Variants in RIT2 observed in about 807,000 individuals in gnomAD.
The protein encoded by RIT2 is Ras like without CAAX 2.
A neutral mutation model predicts 23.7 loss-of-function variants in RIT2; 24 were observed. That is an observed-to-expected ratio of 1.01 (90% CI 0.73 to 1.43). The LOEUF is 1.43. Ranked by LOEUF, RIT2 falls within the 40% of genes most tolerant of loss-of-function variation. RIT2 has a pLI of 0.00. For missense variants in RIT2, 236 were observed against 266.9 expected, an observed-to-expected ratio of 0.88 and a Z score of 0.81; for synonymous variants, 107 against 91.1, an observed-to-expected ratio of 1.17 and a Z score of -0.99.
chr18:43,020,820 T>C (rs528096577), intron 2 of RIT2, among the ~76,000 whole-genome samples: 2 of 152,216 alleles, frequency 1.3e-5, no homozygotes, highest in South Asian at 4.1e-4. Flanking sequence ...TGCAAAAGAA[T>C]GTAATGAGAC....
At chr18:42,861,539 C>T (rs1243969901) in intron 4 of RIT2, among the ~76,000 whole-genome samples, 1 of 152,204 alleles carries the variant, frequency 6.6e-6, no homozygotes, top group African/African-American at 2.4e-5. Flanking sequence ...CCACTCTATG[C>T]CCCATGGGAG....
chr18:42,840,857 G>A (rs570573589), intron 4 of RIT2, among the ~76,000 whole-genome samples: 6 of 152,274 alleles, frequency 3.9e-5, no homozygotes, highest in South Asian at 2.1e-4. Context: ...GGTATCTATG[G>A]CTTAAAGACA....
chr18:42,783,601 G>A (rs1369290544), intron 4 of RIT2, among the ~76,000 whole-genome samples: 2 of 151,904 alleles, frequency 1.3e-5, no homozygotes, highest in East Asian at 3.9e-4. Context: ...GACACAAGGG[G>A]GCACACAGCC....
At chr18:42,798,332 A>T (rs138974656) in intron 4 of RIT2, among the ~76,000 whole-genome samples, 8 of 152,348 alleles carry the variant, frequency 5.3e-5, no homozygotes, top group African/African-American at 1.9e-4. Context: ...ACCTAATATT[A>T]GGGGAAATGG....
At chr18:43,076,790 G>C (rs757497297) in intron 1 of RIT2, among the ~76,000 whole-genome samples, 2 of 152,184 alleles carry the variant, frequency 1.3e-5, no homozygotes, top group Admixed American at 1.3e-4. Flanking sequence ...ATGGCAAAGA[G>C]TGTGTTGTTT....
intron 4 of RIT2, among the ~76,000 whole-genome samples, chr18:42,910,728 T>A (rs1008262061): frequency 2.0e-5 from 3 of 152,076 alleles, no homozygotes; most frequent in Non-Finnish European, 4.4e-5. Flanking sequence ...ATCTTCCCAC[T>A]CCATCCCCTT....
chr18:43,036,773 G>C lies in RIT2; in HGVS notation c.104-2906C>G, dbSNP rs148424436. ...AAGATAATTTTAGAAAGATTGATTT[G>C]TATAAGTTTCTTTTGTGTTTTACAA... On this transcript the variant is annotated intron_variant, in intron 1 of 4. Transcript: ENST00000326695. Among the ~76,000 whole-genome samples the C allele has an allele frequency of 2.3e-4, 35 of 152,254 alleles. No individual in the cohort carries two copies. The East Asian group carries it at 6.8e-3, about 29-fold the overall frequency.
At chr18:43,044,150 T>G (rs79535799) in intron 1 of RIT2, among the ~76,000 whole-genome samples, 1 of 152,034 alleles carries the variant, frequency 6.6e-6, no homozygotes, top group Non-Finnish European at 1.5e-5. Context: ...TAAAATAGGG[T>G]CCTTGTGGAG....
intron 4 of RIT2, among the ~76,000 whole-genome samples, chr18:42,852,026 G>A (rs1246575460): frequency 6.6e-6 from 1 of 152,022 alleles, no homozygotes; most frequent in East Asian, 1.9e-4. Context: ...CCAGGGTAGT[G>A]AGTCTGATCT....
At chr18:42,745,345 A>C (rs140267374) in intron 4 of RIT2, among the ~76,000 whole-genome samples, 2 of 152,316 alleles carry the variant, frequency 1.3e-5, no homozygotes, top group African/African-American at 4.8e-5. Flanking sequence ...ATCAGGGCAG[A>C]AACCAACTTT....
intron 4 of RIT2, among the ~76,000 whole-genome samples, chr18:42,878,093 T>TAC (rs929973796): frequency 2.7e-5 from 4 of 150,586 alleles, no homozygotes; most frequent in South Asian, 2.1e-4. Context: ...TTCATATACA[T>TAC]ACACACACAT....
chr18:42,831,261 C>T (rs553621846), intron 4 of RIT2, among the ~76,000 whole-genome samples: 1 of 152,112 alleles, frequency 6.6e-6, no homozygotes, highest in Non-Finnish European at 1.5e-5. Flanking sequence ...TTAGGATTGT[C>T]TCAGTGTTAA....
intron 4 of RIT2, among the ~76,000 whole-genome samples, chr18:42,767,610 G>A (rs576963341): frequency 6.6e-6 from 1 of 152,268 alleles, no homozygotes; most frequent in South Asian, 2.1e-4. Context: ...TTGGAGAACT[G>A]TTGGGAAGGC....
intron 1 of RIT2, among the ~76,000 whole-genome samples, chr18:43,110,075 A>T (rs958807010): frequency 1.3e-5 from 2 of 152,190 alleles, no homozygotes; most frequent in African/African-American, 4.8e-5. Flanking sequence ...CTTTGTGATC[A>T]AATAAGATCA....
intron 4 of RIT2, among the ~76,000 whole-genome samples, chr18:42,838,270 G>A (rs781227381): frequency 5.3e-5 from 8 of 152,006 alleles, no homozygotes; most frequent in South Asian, 2.1e-4. Flanking sequence ...AAAGAGTAAG[G>A]TTTCAAGAAA....
intron 4 of RIT2, among the ~76,000 whole-genome samples, chr18:42,765,964 G>A (rs781573174): frequency 1.9e-4 from 29 of 152,024 alleles, no homozygotes; most frequent in African/African-American, 4.8e-5. Context: ...CCACCACCAC[G>A]TAAGAAGTGT....
intron 2 of RIT2, among the ~76,000 whole-genome samples, chr18:42,985,922 C>CA (rs1179835582): frequency 6.6e-6 from 1 of 151,000 alleles, no homozygotes; most frequent in Non-Finnish European, 1.5e-5. Context: ...ACATTAAAAA[C>CA]AAAAAACATT....
At chr18:43,065,585 C>G (rs1024834690) in intron 1 of RIT2, among the ~76,000 whole-genome samples, 4 of 152,088 alleles carry the variant, frequency 2.6e-5, no homozygotes, top group African/African-American at 9.7e-5. Flanking sequence ...GGTACTTTAA[C>G]AGTAATCAAA....
intron 1 of RIT2, among the ~76,000 whole-genome samples, chr18:43,069,951 C>T (rs1912860357): frequency 6.6e-6 from 1 of 152,046 alleles, no homozygotes; most frequent in Non-Finnish European, 1.5e-5. Flanking sequence ...CTTCTCATTA[C>T]CATTATATTA....
Sources: allele counts gnomAD v4.1 joint callset (sites outside exome capture counted in the v4.1 genomes callset), GRCh38; gene constraint gnomAD v4.1.1; transcripts MANE v1.5; gene names NCBI Gene and HGNC (gene_info 2026-07-23, HGNC 2026-07-21).